Variants in COG6 observed in about 807,000 individuals in gnomAD.
COG6 encodes conserved oligomeric Golgi complex subunit 6.
COG6 carries 74 observed loss-of-function variants against 88.8 expected under a neutral mutation model. The ratio of observed to expected loss-of-function variants is 0.83; its 90% CI spans 0.69 to 1.01. The LOEUF (loss-of-function observed/expected upper bound fraction) is 1.01, where lower values mean the gene tolerates loss of function less well. COG6 is among the 50% of genes least tolerant of loss of function. The pLI is 0.00. For missense variants in COG6, 800 were observed against 797.9 expected (o/e 1.00, Z -0.03); for synonymous variants, 286 against 278.7 (o/e 1.03, Z -0.26).
chr13:39,660,763 C>T lies in COG6; in HGVS notation c.298-47C>T, dbSNP rs747993684. The T allele has an allele frequency of 9.1e-6, 11 of 1,213,008 alleles. No individual in the cohort carries two copies. The African/African-American group carries it at 1.2e-4, about 13-fold the overall frequency. 75.1% of individuals were successfully genotyped at this position (1,213,008 alleles called of 1,614,324 possible). A position where few individuals can be genotyped will look rare whatever the true frequency, so the allele number is the denominator to read the frequency against. On this transcript the variant is annotated intron_variant, in intron 2 of 18. Transcript: ENST00000455146. ...GATTTAGCTAACAGAAGAGAATCTT[C>T]TTCTTGCTGTATATATGATGTTTGA...
intron 18 of COG6, among the ~76,000 whole-genome samples, chr13:39,729,047 A>G (rs1237083717): frequency 6.6e-6 from 1 of 152,202 alleles, no homozygotes; most frequent in Non-Finnish European, 1.5e-5. Flanking sequence ...TAATATTAGA[A>G]TGTTGTTAGC....
At chr13:39,688,109 C>T (rs9548880) in intron 10 of COG6, among the ~76,000 whole-genome samples, 62,336 of 152,004 alleles carry the variant, frequency 0.41, 13,135 homozygotes, top group Admixed American at 0.57. Flanking sequence ...TTCTCAAATC[C>T]TCTGCATGAC....
At chr13:39,724,018 C>T (rs1048434997) in intron 16 of COG6, among the ~76,000 whole-genome samples, 2 of 151,908 alleles carry the variant, frequency 1.3e-5, no homozygotes, top group African/African-American at 2.4e-5. Flanking sequence ...CTTAAGAAAG[C>T]AAAGAACTCA....
At chr13:39,708,948 G>A (rs924511442) in intron 13 of COG6, among the ~76,000 whole-genome samples, 6 of 152,124 alleles carry the variant, frequency 3.9e-5, no homozygotes, top group African/African-American at 1.2e-4. Flanking sequence ...GATTCAGTCT[G>A]AGTTTGTTGG....
In COG6 at chr13:39,742,362, T is replaced by C. The variant is rs2138126505; in HGVS notation, c.1827-8584T>C. Reference sequence around the variant, plus strand: ...GTGTGCTGTATTCAGGAGACCCATCTCACATGCAGAGACACACATAGGCTC... The same window carrying C: ...GTGTGCTGTATTCAGGAGACCCATCCCACATGCAGAGACACACATAGGCTC... On this transcript the variant is annotated intron_variant, in intron 18 of 18. Coordinates refer to ENST00000455146, the MANE Select transcript of COG6 (RefSeq NM_020751.3). Among the ~76,000 whole-genome samples the C allele has an allele frequency of 3.3e-5, 5 of 152,164 alleles. 1 individual carries two copies. The South Asian group carries it at 1.0e-3, about 32-fold the overall frequency.
In COG6 at chr13:39,751,839, G is replaced by A. The variant is rs1880651927; in HGVS notation, c.*746G>A. On this transcript the variant is annotated 3_prime_UTR_variant, in exon 19 of 19. Transcript: ENST00000455146. ...AGGTGGAGCTCAGCCTTTCCAATGA[G>A]CTCTAAGCATGTAGATAGCCTGAGC... is the stretch of plus-strand genomic sequence containing the variant. 3.1e-6 allele frequency: 4 copies of A among 1,287,174 alleles called. No individual in the cohort carries two copies. The highest frequency in any genetic ancestry group is 4.0e-6 in the Non-Finnish European group (4 of 988,666). The allele number at this position is 1,287,174 out of a possible 1,614,324, so 79.7% of individuals were successfully genotyped here. A position where few individuals can be genotyped will look rare whatever the true frequency, so the allele number is the denominator to read the frequency against.
At chr13:39,705,059 C>T (rs758679217) in intron 13 of COG6, among the ~76,000 whole-genome samples, 1 of 152,010 alleles carries the variant, frequency 6.6e-6, no homozygotes. Context: ...TTTACTTATT[C>T]TGCTTCTTGT....
intron 15 of COG6, among the ~76,000 whole-genome samples, chr13:39,721,279 C>T (rs1878837552): frequency 6.6e-6 from 1 of 151,994 alleles, no homozygotes; most frequent in African/African-American, 2.4e-5. Flanking sequence ...CTAAATTAAG[C>T]TTATTAGTTT....
chr13:39,713,974 G>A (rs1233207277), intron 13 of COG6, among the ~76,000 whole-genome samples: 1 of 152,190 alleles, frequency 6.6e-6, no homozygotes, highest in African/African-American at 2.4e-5. Context: ...ATGGATGTGT[G>A]TAAAAACACC....
chr13:39,686,610 A>T (rs1876653932), intron 8 of COG6, among the ~76,000 whole-genome samples: 1 of 152,232 alleles, frequency 6.6e-6, no homozygotes, highest in Non-Finnish European at 1.5e-5. Flanking sequence ...TTGGAGTCAA[A>T]ATAAGCTTTT....
chr13:39,764,963 A>G (rs542108114), intron 18 of COG6, among the ~76,000 whole-genome samples: 4 of 152,238 alleles, frequency 2.6e-5, no homozygotes, highest in African/African-American at 7.2e-5. Context: ...TTAAATAACT[A>G]TGATTGTGGA....
chr13:39,657,531 T>C (rs1012096736), intron 1 of COG6, among the ~76,000 whole-genome samples: 10 of 46,372 alleles, frequency 2.2e-4, no homozygotes, highest in African/African-American at 1.0e-3. Flanking sequence ...ACTTCATGGG[T>C]TTTTTTTTTC....
At chr13:39,781,474 TG>T (rs766361359) in intron 18 of COG6, among the ~76,000 whole-genome samples, 2 of 149,656 alleles carry the variant, frequency 1.3e-5, no homozygotes, top group Non-Finnish European at 3.0e-5. Context: ...AGAAACTAAA[TG>T]GCTGGAATGG....
intron 13 of COG6, among the ~76,000 whole-genome samples, chr13:39,714,224 G>T (rs1593445337): frequency 6.7e-6 from 1 of 149,736 alleles, no homozygotes; most frequent in Non-Finnish European, 1.5e-5. Context: ...ATTTTTGAAA[G>T]TTTTTTTTTT....
chr13:39,751,855 TAGC>T lies in COG6; in HGVS notation c.*763_*765del. ...TTCCAATGAGCTCTAAGCATGTAGATAGCCTGAGCTGTGTCTAAGCCTGGTGTT... is the reference window on the plus strand; with the variant it reads ...TTCCAATGAGCTCTAAGCATGTAGATCTGAGCTGTGTCTAAGCCTGGTGTT... On this transcript the variant is annotated 3_prime_UTR_variant, in exon 19 of 19. Transcript: ENST00000455146. The T allele has an allele frequency of 7.8e-7, 1 of 1,287,154 alleles. No homozygotes were observed. Among genetic ancestry groups the T allele is most frequent in the South Asian group, 1.2e-5 (1 of 80,934 alleles). 79.7% of individuals were successfully genotyped at this position (1,287,154 alleles called of 1,614,324 possible).
At chr13:39,685,825 A>G in intron 8 of COG6, among the ~76,000 whole-genome samples, 1 of 152,148 alleles carries the variant, frequency 6.6e-6, no homozygotes, top group Non-Finnish European at 1.5e-5. Context: ...CAAGGCAATT[A>G]TGCAATTTAG....
At chr13:39,688,333 C>G (rs1349873728) in intron 10 of COG6, among the ~76,000 whole-genome samples, 1 of 152,054 alleles carries the variant, frequency 6.6e-6, no homozygotes, top group South Asian at 2.1e-4. Flanking sequence ...GATTGGTAAC[C>G]TATAAAGAGG....
chr13:39,724,572 A>G lies in COG6; in HGVS notation c.1746+11A>G. On this transcript the variant is annotated intron_variant, in intron 17 of 18. Transcript: ENST00000455146. ...CTGAAGGCTGCAATGGTAAGTGTAT[A>G]ATAAAACATTTTAATTTAGATTTCC... 1 of 1,581,138 alleles carries G rather than the reference A, an allele frequency of 6.3e-7. No individual in the cohort carries two copies. The highest frequency in any genetic ancestry group is 1.7e-5 in the Admixed American group (1 of 59,744).
At chr13:39,664,624 T>G (rs1035920135) in intron 3 of COG6, among the ~76,000 whole-genome samples, 1 of 152,232 alleles carries the variant, frequency 6.6e-6, no homozygotes, top group Non-Finnish European at 1.5e-5. Context: ...ACCAAAAACT[T>G]ATATGGCAGG....
Sources: gnomAD v4.1 joint callset for allele counts (sites outside exome capture counted in the v4.1 genomes callset) on GRCh38, gnomAD v4.1.1 for gene constraint, MANE v1.5 for transcripts, NCBI Gene and HGNC (gene_info 2026-07-23, HGNC 2026-07-21) for gene names.